The following SEC14L1 variants were observed in gnomAD, a reference collection of about 807,000 sequenced individuals.
SEC14L1 encodes the protein SEC14 like lipid binding 1.
A neutral mutation model predicts 85.3 loss-of-function variants in SEC14L1; 48 were observed. The observed-to-expected ratio is 0.56, with a 90% CI of 0.45 to 0.72. SEC14L1 has a LOEUF of 0.72. Among genes scored for constraint, SEC14L1 ranks in the 30% least tolerant of loss-of-function variants. The pLI, the probability that SEC14L1 is intolerant of heterozygous loss-of-function variation, is 0.00. For missense variants in SEC14L1, 682 were observed against 921.4 expected (o/e 0.74, Z 3.36); for synonymous variants, 391 against 355.5 (o/e 1.10, Z -1.12).
chr17:77,194,630 T>A, intron 6 of SEC14L1, 47 bp from the exon 7 acceptor site: 1 of 1,447,866 alleles, frequency 6.9e-7, no homozygotes, highest in Non-Finnish European at 9.6e-7. Flanking sequence ...GATGAGTAAT[T>A]TGAATGTTGA....
At chr17:77,197,334 T>G (rs1490119556) in intron 8 of SEC14L1, among the ~76,000 whole-genome samples, 1 of 152,238 alleles carries the variant, frequency 6.6e-6, no homozygotes, top group Non-Finnish European at 1.5e-5. Flanking sequence ...GGCCTTGTTC[T>G]TTATTCAGGG....
chr17:77,108,738 CA>C (rs1207827363), intron 3 of SEC14L1, among the ~76,000 whole-genome samples: 7 of 72,006 alleles, frequency 9.7e-5, no homozygotes, highest in Admixed American at 1.9e-4. Flanking sequence ...GGCTCTGTCT[CA>C]AAAAAAAAGA....
intron 3 of SEC14L1, among the ~76,000 whole-genome samples, chr17:77,160,612 C>T (rs932760192): frequency 2.0e-5 from 3 of 152,200 alleles, no homozygotes; most frequent in Non-Finnish European, 4.4e-5. Context: ...GATTTATTGA[C>T]GGAGACCAGG....
At chr17:77,196,099 T>A (rs1018440946) in intron 7 of SEC14L1, 103 bp from the exon 8 acceptor site, 2 of 837,094 alleles carry the variant, frequency 2.4e-6, no homozygotes, top group African/African-American at 3.4e-5. Flanking sequence ...TTCATGTGCC[T>A]CTAGGACTCT....
intron 3 of SEC14L1, chr17:77,185,284 C>A: frequency 2.0e-6 from 2 of 985,414 alleles, no homozygotes; most frequent in Middle Eastern, 5.2e-4. Context: ...TTGCTAACTG[C>A]CCCTGACGCT....
intron 3 of SEC14L1, among the ~76,000 whole-genome samples, chr17:77,187,000 C>G (rs1474471382): frequency 1.3e-5 from 2 of 152,128 alleles, no homozygotes; most frequent in Non-Finnish European, 2.9e-5. Context: ...GGTTGAGCAT[C>G]TCAAATTTGG....
chr17:77,174,137 T>C (rs1974645445), intron 3 of SEC14L1, among the ~76,000 whole-genome samples: 1 of 152,154 alleles, frequency 6.6e-6, no homozygotes, highest in African/African-American at 2.4e-5. Context: ...GCCAGGCTGG[T>C]CTTGAACTCC....
rs748605768 is a variant in SEC14L1 at position 77,203,706 on chromosome 17, T to A, written c.1098+48T>A. 2.4e-5 allele frequency: 36 copies of A among 1,469,406 alleles called. 2 individuals are homozygous for A. The South Asian group carries it at 3.8e-4, about 15-fold the overall frequency. The allele number at this position is 1,469,406 out of a possible 1,614,324, so 91.0% of individuals were successfully genotyped here. On this transcript the variant is annotated intron_variant, in intron 10 of 16. Coordinates refer to ENST00000436233, the MANE Select transcript of SEC14L1 (RefSeq NM_001143998.2). Reference sequence around the variant, plus strand: ...CCAGGTGCCACTGTGGCGTCACTTTTTTTCTCTGCCAGTAGGATTGGGGTG... The same window carrying A: ...CCAGGTGCCACTGTGGCGTCACTTTATTTCTCTGCCAGTAGGATTGGGGTG...
intron 3 of SEC14L1, among the ~76,000 whole-genome samples, chr17:77,131,214 G>T (rs976572704): frequency 1.3e-5 from 2 of 152,206 alleles, no homozygotes; most frequent in Non-Finnish European, 2.9e-5. Context: ...TCAACTGCTA[G>T]GTGTCTGTCC....
intron 3 of SEC14L1, among the ~76,000 whole-genome samples, chr17:77,167,950 A>G (rs1236152651): frequency 6.6e-6 from 1 of 152,198 alleles, no homozygotes; most frequent in African/African-American, 2.4e-5. Context: ...ACACCGAGCA[A>G]AGGAGGGAAG....
intron 3 of SEC14L1, among the ~76,000 whole-genome samples, chr17:77,095,810 T>C (rs1394258534): frequency 2.8e-5 from 3 of 107,224 alleles, no homozygotes; most frequent in African/African-American, 1.3e-4. Flanking sequence ...GAGCAAGACT[T>C]TGTCTCAAAA....
chr17:77,134,131 C>G (rs1972708155), intron 3 of SEC14L1, among the ~76,000 whole-genome samples: 1 of 152,092 alleles, frequency 6.6e-6, no homozygotes, highest in South Asian at 2.1e-4. Flanking sequence ...CTGTTTGTTA[C>G]CTGATGTCAC....
At chr17:77,151,619 A>G (rs1028773637) in intron 3 of SEC14L1, among the ~76,000 whole-genome samples, 1 of 152,094 alleles carries the variant, frequency 6.6e-6, no homozygotes, top group African/African-American at 2.4e-5. Context: ...AAACCCCAAA[A>G]CCTTGTTTTA....
rs1221447382 is a variant in SEC14L1 at position 77,216,453 on chromosome 17, C to T, written c.*2430C>T. ...TAGGGTTCGTAGGTAGGGTTAGTAGCGCGTCTGTGCTGCTTCCACCTGGTG... is the reference window on the plus strand; with the variant it reads ...TAGGGTTCGTAGGTAGGGTTAGTAGTGCGTCTGTGCTGCTTCCACCTGGTG... On this transcript the variant is annotated 3_prime_UTR_variant, in exon 17 of 17. Coordinates refer to ENST00000436233, the MANE Select transcript of SEC14L1 (RefSeq NM_001143998.2). The T allele has an allele frequency of 6.2e-6, 10 of 1,605,164 alleles. No homozygotes were observed. The highest frequency in any genetic ancestry group is 5.1e-5 in the Admixed American group (3 of 59,226).
chr17:77,111,920 T>C (rs1972057626), intron 3 of SEC14L1, among the ~76,000 whole-genome samples: 1 of 152,070 alleles, frequency 6.6e-6, no homozygotes. Flanking sequence ...GACATGAGAT[T>C]TGGGAGGGGC....
chr17:77,091,126 C>T (rs1297919051), intron 2 of SEC14L1, among the ~76,000 whole-genome samples: 2 of 152,136 alleles, frequency 1.3e-5, no homozygotes, highest in African/African-American at 2.4e-5. Context: ...CTTGCTCTGT[C>T]TCCCAGGTTG....
chr17:77,114,517 C>G (rs1272178433), intron 3 of SEC14L1, among the ~76,000 whole-genome samples: 3 of 142,946 alleles, frequency 2.1e-5, no homozygotes, highest in East Asian at 2.1e-4. Flanking sequence ...GAGCTAGACT[C>G]CATCCCAAAA....
intron 3 of SEC14L1, among the ~76,000 whole-genome samples, chr17:77,179,432 A>C (rs1974909304): frequency 6.6e-6 from 1 of 152,178 alleles, no homozygotes; most frequent in South Asian, 2.1e-4. Context: ...ATCATACCTT[A>C]ATGAGAAGGC....
At chr17:77,197,598 TAC>T (rs934941451) in intron 8 of SEC14L1, among the ~76,000 whole-genome samples, 1 of 152,298 alleles carries the variant, frequency 6.6e-6, no homozygotes, top group South Asian at 2.1e-4. Context: ...ATGGTAGTTC[TAC>T]AGTTTTATGT....
Sources: gnomAD v4.1 joint callset for allele counts (sites outside exome capture counted in the v4.1 genomes callset) on GRCh38, gnomAD v4.1.1 for gene constraint, MANE v1.5 for transcripts, NCBI Gene and HGNC (gene_info 2026-07-23, HGNC 2026-07-21) for gene names.